CNTNAP2: variants seen among roughly 807,000 people sequenced by gnomAD.
CNTNAP2 encodes contactin associated protein 2, also known as contactin-associated protein-like 2.
CNTNAP2 carries 98 observed loss-of-function variants against 155.2 expected under a neutral mutation model. The ratio of observed to expected loss-of-function variants is 0.63; its 90% CI spans 0.54 to 0.75. The LOEUF (loss-of-function observed/expected upper bound fraction) is 0.75, where lower values mean the gene tolerates loss of function less well. CNTNAP2 is among the 30% of genes least tolerant of loss of function. CNTNAP2 has a pLI of 0.00. For synonymous variants in CNTNAP2, 651 were observed against 631.2 expected (o/e 1.03, Z -0.47); for missense variants, 1,727 against 1,688.1 (o/e 1.02, Z -0.40).
At chr7:147,690,843 C>T (rs1253953641) in intron 13 of CNTNAP2, among the ~76,000 whole-genome samples, 1 of 151,906 alleles carries the variant, frequency 6.6e-6, no homozygotes, top group Non-Finnish European at 1.5e-5. Flanking sequence ...CTCCACTGTA[C>T]AGATGAAAAA....
intron 12 of CNTNAP2, among the ~76,000 whole-genome samples, chr7:147,584,291 A>T (rs1304511944): frequency 6.6e-6 from 1 of 152,210 alleles, no homozygotes; most frequent in Admixed American, 6.5e-5. Flanking sequence ...CCTCCTAATT[A>T]TGAAATATAA....
intron 1 of CNTNAP2, among the ~76,000 whole-genome samples, chr7:146,445,904 T>C (rs1796395493): frequency 6.6e-6 from 1 of 152,160 alleles, no homozygotes; most frequent in South Asian, 2.1e-4. Context: ...GTATCTCGGG[T>C]AGGAAATTTA....
At chr7:146,596,750 A>C (rs1428834466) in intron 1 of CNTNAP2, among the ~76,000 whole-genome samples, 2 of 152,010 alleles carry the variant, frequency 1.3e-5, no homozygotes, top group African/African-American at 4.8e-5. Flanking sequence ...AGTGAGCAAT[A>C]TCATTTCTTT....
At chr7:148,173,099 T>C (rs138284425) in intron 18 of CNTNAP2, among the ~76,000 whole-genome samples, 94 of 152,348 alleles carry the variant, frequency 6.2e-4, no homozygotes, top group African/African-American at 2.3e-3. Flanking sequence ...TATTTTAGTC[T>C]TGAATAATTC....
chr7:146,942,659 A>G (rs1016492196), intron 3 of CNTNAP2, among the ~76,000 whole-genome samples: 3 of 152,298 alleles, frequency 2.0e-5, no homozygotes, highest in Non-Finnish European at 2.9e-5. Context: ...CCAATGAAAA[A>G]CAAAGAATGC....
chr7:147,376,858 C>T (rs534269744), intron 9 of CNTNAP2, among the ~76,000 whole-genome samples: 5 of 152,046 alleles, frequency 3.3e-5, no homozygotes, highest in African/African-American at 1.2e-4. Context: ...TACAAATGAT[C>T]TCAATACGTT....
At chr7:146,315,972 A>G (rs1173041688) in intron 1 of CNTNAP2, among the ~76,000 whole-genome samples, 2 of 152,214 alleles carry the variant, frequency 1.3e-5, no homozygotes, top group Non-Finnish European at 2.9e-5. Flanking sequence ...CTAAATTAAG[A>G]CATAACTGCT....
intron 13 of CNTNAP2, among the ~76,000 whole-genome samples, chr7:147,658,774 T>G (rs2116950121): frequency 6.6e-6 from 1 of 152,318 alleles, no homozygotes; most frequent in Middle Eastern, 3.4e-3. Context: ...CTTGATCTTG[T>G]TTACTGTGCT....
intron 21 of CNTNAP2, among the ~76,000 whole-genome samples, chr7:148,355,256 A>G (rs2108672): frequency 0.38 from 51,668 of 136,992 alleles, 9,948 homozygotes; most frequent in East Asian, 0.65. Context: ...ATCTCGGCTC[A>G]CTACAAGCTC....
At chr7:147,683,757 T>C (rs1347584917) in intron 13 of CNTNAP2, among the ~76,000 whole-genome samples, 3 of 150,766 alleles carry the variant, frequency 2.0e-5, no homozygotes, top group Admixed American at 6.6e-5. Context: ...AGTATTCAAT[T>C]AGCAGAATAA....
intron 3 of CNTNAP2, among the ~76,000 whole-genome samples, chr7:147,025,009 C>T (rs1398835712): frequency 2.0e-5 from 3 of 151,786 alleles, no homozygotes; most frequent in East Asian, 4.0e-4. Flanking sequence ...TGTGGCTGGG[C>T]GCCGTGGCTC....
At chr7:147,098,013 G>T (rs1800579551) in intron 4 of CNTNAP2, among the ~76,000 whole-genome samples, 1 of 152,130 alleles carries the variant, frequency 6.6e-6, no homozygotes, top group Non-Finnish European at 1.5e-5. Flanking sequence ...TAGTGATAAT[G>T]CATCATCTGA....
chr7:147,035,072 T>C (rs1799127867), intron 3 of CNTNAP2, among the ~76,000 whole-genome samples: 1 of 152,172 alleles, frequency 6.6e-6, no homozygotes, highest in African/African-American at 2.4e-5. Flanking sequence ...CCTGCTTTAA[T>C]CAGTAGAGTC....
chr7:146,141,743 G>T (rs1221232921), intron 1 of CNTNAP2, among the ~76,000 whole-genome samples: 1 of 151,870 alleles, frequency 6.6e-6, no homozygotes, highest in Non-Finnish European at 1.5e-5. Flanking sequence ...AATTCATTAG[G>T]CATTATTACA....
intron 7 of CNTNAP2, among the ~76,000 whole-genome samples, chr7:147,130,050 C>T (rs575129266): frequency 4.7e-4 from 71 of 151,892 alleles, no homozygotes; most frequent in Admixed American, 2.8e-3. Context: ...GAAAACATTG[C>T]GATTTAACAT....
chr7:147,029,249 C>G (rs1798982072), intron 3 of CNTNAP2, among the ~76,000 whole-genome samples: 1 of 152,058 alleles, frequency 6.6e-6, no homozygotes, highest in African/African-American at 2.4e-5. Context: ...AGGCGTGAGC[C>G]ACTGCGCCGG....
Position 147,314,522 on chromosome 7 carries a change from G to A in CNTNAP2, c.1498+14232G>A, listed in dbSNP as rs563645101. ...ACAATTGGGAAGAGAGACCTTCTCTGTTTTTAGACACCCTTATTAGATCAG... is the reference window on the plus strand; with the variant it reads ...ACAATTGGGAAGAGAGACCTTCTCTATTTTTAGACACCCTTATTAGATCAG... On this transcript the variant is annotated intron_variant, in intron 9 of 23. Coordinates refer to ENST00000361727, the MANE Select transcript of CNTNAP2 (RefSeq NM_014141.6). 1.3e-5 allele frequency among the ~76,000 whole-genome samples: 2 copies of A among 150,982 alleles called. 1 individual carries two copies. The highest frequency in any genetic ancestry group is 3.0e-5 in the Non-Finnish European group (2 of 67,564).
At chr7:147,063,269 C>A (rs1799717649) in intron 4 of CNTNAP2, among the ~76,000 whole-genome samples, 1 of 152,078 alleles carries the variant, frequency 6.6e-6, no homozygotes, top group East Asian at 1.9e-4. Context: ...TGAGTGTGAG[C>A]ATTTTGCCTT....
intron 1 of CNTNAP2, among the ~76,000 whole-genome samples, chr7:146,483,274 T>TAA (rs1172354064): frequency 0.18 from 7,018 of 40,054 alleles, 1,134 homozygotes; most frequent in East Asian, 0.26. Flanking sequence ...AGACTCCGTC[T>TAA]AAAAAAAAAT....
Sources: gnomAD v4.1 joint callset for allele counts (sites outside exome capture counted in the v4.1 genomes callset) on GRCh38, gnomAD v4.1.1 for gene constraint, MANE v1.5 for transcripts, NCBI Gene and HGNC (gene_info 2026-07-23, HGNC 2026-07-21) for gene names.